The following SPOCK3 variants were observed in gnomAD, a reference collection of about 807,000 sequenced individuals.
SPOCK3 encodes the protein SPARC (osteonectin), cwcv and kazal like domains proteoglycan 3, also known as testican-3.
A neutral mutation model predicts 56.6 loss-of-function variants in SPOCK3; 30 were observed. That is an observed-to-expected ratio of 0.53 (90% CI 0.40 to 0.72). The LOEUF is 0.72. Ranked by LOEUF, SPOCK3 falls within the 30% of genes least tolerant of loss-of-function variation. The pLI is 0.00. For missense variants in SPOCK3, 527 were observed against 530.0 expected (o/e 0.99, Z 0.06); for synonymous variants, 196 against 183.3 (o/e 1.07, Z -0.56).
intron 4 of SPOCK3, among the ~76,000 whole-genome samples, chr4:166,953,640 G>A (rs917343733): frequency 1.8e-4 from 28 of 152,292 alleles, no homozygotes; most frequent in Middle Eastern, 3.4e-3. Flanking sequence ...GCACATGTAT[G>A]TTTATTGTGG....
intron 7 of SPOCK3, among the ~76,000 whole-genome samples, chr4:166,763,388 TATA>T (rs1737514839): frequency 6.6e-6 from 1 of 152,014 alleles, no homozygotes; most frequent in Non-Finnish European, 1.5e-5. Flanking sequence ...ACTCTTGAAA[TATA>T]ATAATGTAAT....
chr4:167,019,884 C>T (rs187191157), intron 3 of SPOCK3, among the ~76,000 whole-genome samples: 1,790 of 152,198 alleles, frequency 0.012, 23 homozygotes, highest in Non-Finnish European at 0.019. Context: ...CCTTCACCAT[C>T]CTCTGTGATA....
intron 3 of SPOCK3, among the ~76,000 whole-genome samples, chr4:167,042,164 T>A (rs890757375): frequency 6.6e-6 from 1 of 152,130 alleles, no homozygotes; most frequent in Admixed American, 6.6e-5. Context: ...TTCCAGGATC[T>A]CCAGAAGACA....
intron 4 of SPOCK3, among the ~76,000 whole-genome samples, chr4:166,935,509 T>C (rs1302334592): frequency 6.6e-6 from 1 of 152,148 alleles, no homozygotes; most frequent in Non-Finnish European, 1.5e-5. Context: ...CCAGTGTTCA[T>C]GAAACAATAA....
intron 6 of SPOCK3, among the ~76,000 whole-genome samples, chr4:166,871,198 AATG>A: frequency 6.6e-6 from 1 of 152,250 alleles, no homozygotes; most frequent in African/African-American, 2.4e-5. Flanking sequence ...AAAGGAAGAA[AATG>A]ATAATAAAAA....
At chr4:166,885,277 C>T (rs1734078145) in intron 6 of SPOCK3, among the ~76,000 whole-genome samples, 1 of 150,384 alleles carries the variant, frequency 6.6e-6, no homozygotes, top group African/African-American at 2.5e-5. Flanking sequence ...CTAAAATAAC[C>T]ACCCACCCCA....
chr4:167,055,559 G>T (rs1368493818), intron 3 of SPOCK3, among the ~76,000 whole-genome samples: 2 of 152,194 alleles, frequency 1.3e-5, no homozygotes, highest in Non-Finnish European at 2.9e-5. Context: ...CAAAGAAAGG[G>T]GTGACAGACA....
chr4:167,139,888 C>A (rs72975523), intron 2 of SPOCK3, among the ~76,000 whole-genome samples: 1 of 151,632 alleles, frequency 6.6e-6, no homozygotes, highest in African/African-American at 2.4e-5. Flanking sequence ...CTCAGTTGTC[C>A]CCATGTAACC....
chr4:167,058,485 T>G (rs1412187947), intron 3 of SPOCK3, among the ~76,000 whole-genome samples: 3 of 151,780 alleles, frequency 2.0e-5, no homozygotes, highest in African/African-American at 7.3e-5. Context: ...AAACCACTGC[T>G]CAATGAAATA....
intron 6 of SPOCK3, among the ~76,000 whole-genome samples, chr4:166,841,435 TAAAG>T (rs1481545250): frequency 2.6e-5 from 4 of 152,112 alleles, no homozygotes; most frequent in Admixed American, 2.0e-4. Context: ...AAAAATTTCT[TAAAG>T]TAAGAAAAAA....
chr4:167,077,221 T>G (rs943164596), intron 2 of SPOCK3, among the ~76,000 whole-genome samples: 2 of 151,762 alleles, frequency 1.3e-5, no homozygotes, highest in African/African-American at 4.8e-5. Context: ...AGGATAATAA[T>G]TTCATTAAAT....
chr4:166,944,093 G>A (rs1419897399), intron 4 of SPOCK3, among the ~76,000 whole-genome samples: 1 of 152,186 alleles, frequency 6.6e-6, no homozygotes, highest in Non-Finnish European at 1.5e-5. Flanking sequence ...GTTACAGTGA[G>A]ACGGGTTTGC....
At chr4:166,863,001 C>A (rs1339037020) in intron 6 of SPOCK3, among the ~76,000 whole-genome samples, 1 of 152,006 alleles carries the variant, frequency 6.6e-6, no homozygotes, top group Non-Finnish European at 1.5e-5. Flanking sequence ...ATGTTAAGGG[C>A]AGCCAGAGAG....
chr4:166,864,145 C>T (rs901744915), intron 6 of SPOCK3, among the ~76,000 whole-genome samples: 10 of 152,156 alleles, frequency 6.6e-5, no homozygotes, highest in South Asian at 2.1e-4. Flanking sequence ...AACCACACAA[C>T]TACATGGAAA....
chr4:166,768,872 A>G (rs908880617), intron 7 of SPOCK3, among the ~76,000 whole-genome samples: 1 of 152,108 alleles, frequency 6.6e-6, no homozygotes, highest in Admixed American at 6.6e-5. Flanking sequence ...ATTTGTTGGA[A>G]GCTTTGTTCA....
intron 6 of SPOCK3, among the ~76,000 whole-genome samples, chr4:166,792,926 C>A (rs1741506890): frequency 6.6e-6 from 1 of 151,998 alleles, no homozygotes; most frequent in South Asian, 2.1e-4. Flanking sequence ...AAAGTAACTT[C>A]CTCTTTGTTT....
At chr4:167,088,050 GA>G (rs560977164) in intron 2 of SPOCK3, among the ~76,000 whole-genome samples, 10 of 148,666 alleles carry the variant, frequency 6.7e-5, no homozygotes, top group South Asian at 2.1e-4. Context: ...AATTATTCCT[GA>G]AAAAAAAAAT....
chr4:166,914,032 T>C (rs894802972), intron 4 of SPOCK3, among the ~76,000 whole-genome samples: 8 of 151,362 alleles, frequency 5.3e-5, no homozygotes, highest in Non-Finnish European at 1.0e-4. Context: ...CACTTCAAGA[T>C]TTATAAATTA....
chr4:166,956,585 A>C (rs920354813), intron 4 of SPOCK3, among the ~76,000 whole-genome samples: 1 of 152,200 alleles, frequency 6.6e-6, no homozygotes, highest in Non-Finnish European at 1.5e-5. Flanking sequence ...TAAATTGTTT[A>C]TTTCTGAAAT....
Sources: allele counts gnomAD v4.1 joint callset (sites outside exome capture counted in the v4.1 genomes callset), GRCh38; gene constraint gnomAD v4.1.1; transcripts MANE v1.5; gene names NCBI Gene and HGNC (gene_info 2026-07-23, HGNC 2026-07-21).